The following PDE7B variants were observed in gnomAD, a reference collection of about 807,000 sequenced individuals.
PDE7B encodes the protein 3',5'-cyclic-AMP phosphodiesterase 7B.
In PDE7B, 29 loss-of-function variants were observed where a neutral mutation model predicts 56.2. The ratio of observed to expected loss-of-function variants is 0.52; its 90% confidence interval spans 0.38 to 0.70. The LOEUF (loss-of-function observed/expected upper bound fraction) is 0.70, where lower values mean the gene tolerates loss of function less well. PDE7B is among the 30% of genes least tolerant of loss of function. The pLI, the probability that PDE7B is intolerant of heterozygous loss-of-function variation, is 0.00. For synonymous variants in PDE7B, 197 were observed against 196.9 expected (o/e 1.00, Z 0.00); for missense variants, 490 against 565.0 (o/e 0.87, Z 1.35).
intron 2 of PDE7B, among the ~76,000 whole-genome samples, chr6:136,024,386 C>T (rs963106722): frequency 5.9e-5 from 9 of 151,962 alleles, no homozygotes; most frequent in Non-Finnish European, 7.4e-5. Context: ...CTTTTTTTTC[C>T]TCTTTAGTTT....
intron 1 of PDE7B, among the ~76,000 whole-genome samples, chr6:135,885,328 G>GTTTTTTTTTTT (rs11325233): frequency 7.0e-6 from 1 of 143,440 alleles, no homozygotes. Context: ...CTTGTTTGTT[G>GTTTTTTTTTTT]TTTTTTTTTT....
chr6:136,180,518 T>C (rs534712328), intron 10 of PDE7B, among the ~76,000 whole-genome samples: 89 of 152,332 alleles, frequency 5.8e-4, no homozygotes, highest in Middle Eastern at 3.4e-3. Context: ...GACCCCAACA[T>C]TGCTATCTGT....
chr6:135,854,387 A>C (rs1774987919), intron 1 of PDE7B, among the ~76,000 whole-genome samples: 2 of 152,208 alleles, frequency 1.3e-5, no homozygotes, highest in Admixed American at 1.3e-4. Context: ...TTGACCTCAC[A>C]TTGTTGGGGT....
intron 3 of PDE7B, 135 bp from the exon 4 acceptor site, chr6:136,147,216 C>T: frequency 1.8e-6 from 1 of 565,272 alleles, no homozygotes; most frequent in East Asian, 2.9e-5. Flanking sequence ...ATGTAGAGTT[C>T]AATAGACCAT....
chr6:136,180,489 A>C (rs1779045438), intron 10 of PDE7B, among the ~76,000 whole-genome samples: 1 of 152,224 alleles, frequency 6.6e-6, no homozygotes, highest in Non-Finnish European at 1.5e-5. Context: ...GCAAGTTGAT[A>C]TGATCCAAGG....
At chr6:136,085,132 A>G (rs1325075625) in intron 2 of PDE7B, among the ~76,000 whole-genome samples, 1 of 152,168 alleles carries the variant, frequency 6.6e-6, no homozygotes, top group Admixed American at 6.5e-5. Flanking sequence ...AACTTTTCCA[A>G]AATGTGCTAT....
chr6:135,954,264 A>G (rs1295322564), intron 2 of PDE7B, among the ~76,000 whole-genome samples: 1 of 152,188 alleles, frequency 6.6e-6, no homozygotes, highest in Non-Finnish European at 1.5e-5. Flanking sequence ...CATCTGGAAC[A>G]TCTAGCTGCC....
intron 3 of PDE7B, among the ~76,000 whole-genome samples, chr6:136,136,271 G>A (rs1437218974): frequency 1.3e-5 from 2 of 151,990 alleles, no homozygotes; most frequent in Non-Finnish European, 2.9e-5. Context: ...CCAGAGTTCC[G>A]CATTCTTGAA....
intron 11 of PDE7B, among the ~76,000 whole-genome samples, chr6:136,181,713 C>G (rs998574175): frequency 4.6e-5 from 7 of 151,876 alleles, no homozygotes; most frequent in African/African-American, 1.7e-4. Flanking sequence ...GTTTTCCACT[C>G]TGACAGAAGG....
At chr6:136,085,667 G>C (rs1308880230) in intron 2 of PDE7B, among the ~76,000 whole-genome samples, 9 of 152,228 alleles carry the variant, frequency 5.9e-5, no homozygotes, top group Non-Finnish European at 1.3e-4. Context: ...TGAAGGCAAA[G>C]AGTGGAGGCA....
chr6:136,054,522 T>C (rs1198995808), intron 2 of PDE7B, among the ~76,000 whole-genome samples: 2 of 152,230 alleles, frequency 1.3e-5, no homozygotes, highest in Non-Finnish European at 2.9e-5. Context: ...GGCTTAGGAT[T>C]GACTTGGCAA....
chr6:135,919,186 C>T (rs1463906895), intron 1 of PDE7B, among the ~76,000 whole-genome samples: 1 of 152,080 alleles, frequency 6.6e-6, no homozygotes, highest in Non-Finnish European at 1.5e-5. Context: ...GAGAACAAGC[C>T]AAGCCAATCT....
intron 2 of PDE7B, among the ~76,000 whole-genome samples, chr6:136,057,569 T>C (rs1320289771): frequency 6.6e-6 from 1 of 152,206 alleles, no homozygotes; most frequent in East Asian, 1.9e-4. Context: ...AATTTGCCAG[T>C]ATTTGGTTGT....
At chr6:135,999,743 T>A (rs1286369455) in intron 2 of PDE7B, among the ~76,000 whole-genome samples, 2 of 152,140 alleles carry the variant, frequency 1.3e-5, no homozygotes, top group Non-Finnish European at 2.9e-5. Flanking sequence ...TGTGTCTTTA[T>A]AATAAAATGA....
At chr6:136,019,185 A>C (rs1336363015) in intron 2 of PDE7B, among the ~76,000 whole-genome samples, 1 of 152,214 alleles carries the variant, frequency 6.6e-6, no homozygotes, top group African/African-American at 2.4e-5. Context: ...CTTTGGGAAT[A>C]AATTGTTCAA....
At chr6:136,168,868 A>C (rs115194089) in intron 8 of PDE7B, among the ~76,000 whole-genome samples, 1,594 of 152,314 alleles carry the variant, frequency 0.01, 26 homozygotes, top group African/African-American at 0.037. Flanking sequence ...TAATTAGAAC[A>C]ATCAACCTTA....
At chr6:136,095,160 A>C (rs983000702) in intron 2 of PDE7B, among the ~76,000 whole-genome samples, 3 of 152,200 alleles carry the variant, frequency 2.0e-5, no homozygotes, top group African/African-American at 4.8e-5. Context: ...ATAAACCTGC[A>C]TGTTTCCCAA....
intron 1 of PDE7B, among the ~76,000 whole-genome samples, chr6:135,915,786 T>C (rs572404714): frequency 6.6e-6 from 1 of 152,334 alleles, no homozygotes; most frequent in South Asian, 2.1e-4. Flanking sequence ...ACTTCATCCA[T>C]GTAGAATTAT....
rs576126528 is a variant in PDE7B at position 136,010,831 on chromosome 6, G to T, written c.82+63307G>T. On this transcript the variant is annotated intron_variant, in intron 2 of 12. Transcript: ENST00000308191. Reference sequence around the variant, plus strand: ...ATTAAGGAAAAAGAACCATAGTCCTGGTTCCAGGGTTAGAACAAGGTCAGG... The same window carrying T: ...ATTAAGGAAAAAGAACCATAGTCCTTGTTCCAGGGTTAGAACAAGGTCAGG... Among the ~76,000 whole-genome samples, 4 of 152,206 alleles carry T rather than the reference G, an allele frequency of 2.6e-5. No individual in the cohort carries two copies. In the East Asian group the frequency reaches 5.8e-4, roughly 22 times the overall value.
Sources: allele counts gnomAD v4.1 joint callset (sites outside exome capture counted in the v4.1 genomes callset), GRCh38; gene constraint gnomAD v4.1.1; transcripts MANE v1.5; gene names NCBI Gene and HGNC (gene_info 2026-07-23, HGNC 2026-07-21).